The following SCARB1 variants were observed in gnomAD, a reference collection of about 807,000 sequenced individuals.
SCARB1 encodes the protein CD36 and LIMPII analogous 1.
A neutral mutation model predicts 57.2 loss-of-function variants in SCARB1; 30 were observed. That is an observed-to-expected ratio of 0.52 (90% CI 0.39 to 0.71). The LOEUF is 0.71. SCARB1 is among the 30% of genes least tolerant of loss of function. The probability of loss-of-function intolerance (pLI) is 0.00; values close to 1 mark genes in which losing one functional copy is unlikely to be tolerated. For synonymous variants in SCARB1, 249 were observed against 268.3 expected (o/e 0.93, Z 0.70); for missense variants, 543 against 671.2 (o/e 0.81, Z 2.11).
chr12:124,839,143 G>A, intron 1 of SCARB1: 1 of 432,530 alleles, frequency 2.3e-6, no homozygotes, highest in Non-Finnish European at 4.7e-6. Context: ...GCAATTATCA[G>A]CAACATCCAT....
chr12:124,832,869 A>G (rs777201473), intron 1 of SCARB1, among the ~76,000 whole-genome samples: 19 of 151,650 alleles, frequency 1.3e-4, no homozygotes, highest in Non-Finnish European at 2.1e-4. Flanking sequence ...AACAATTAAC[A>G]CTGGCTCAGA....
Position 124,812,797 on chromosome 12 carries a change from G to A in SCARB1, c.631-832C>T, listed in dbSNP as rs1051073290. On this transcript the variant is annotated intron_variant, in intron 4 of 12. Coordinates refer to ENST00000261693, the MANE Select transcript of SCARB1 (RefSeq NM_005505.5). The surrounding 1 kb of genome is among the most constrained non-coding windows in gnomAD (Gnocchi z 4.3). ...CCTCCAGAGCAGGACCCAGCACAAG[G>A]CCCCAGCCCAGCATCCCGGGTGTGT... is the stretch of plus-strand genomic sequence containing the variant. 5.3e-5 allele frequency among the ~76,000 whole-genome samples: 8 copies of A among 152,018 alleles called. No homozygotes were observed. The highest frequency in any genetic ancestry group is 1.9e-4 in the African/African-American group (8 of 41,390).
Position 124,814,781 on chromosome 12 carries a change from G to A in SCARB1, c.426+192C>T, listed in dbSNP as rs1295352673. Among the ~76,000 whole-genome samples, 1 of 152,218 alleles carries A rather than the reference G, an allele frequency of 6.6e-6. No individual in the cohort carries two copies. Among genetic ancestry groups the A allele is most frequent in the Non-Finnish European group, 1.5e-5 (1 of 68,042 alleles). On this transcript the variant is annotated intron_variant, in intron 3 of 12. Transcript: ENST00000261693. This position sits in a 1 kb window ranked among gnomAD's most constrained non-coding sequence, Gnocchi z 4.7. ...GGCCAGGACTTCCAAACCAAGACAG[G>A]TGGACCCACCTGGGAAACTCAGAAC...
chr12:124,793,480 T>A (rs1346461644), intron 9 of SCARB1, among the ~76,000 whole-genome samples: 1 of 151,054 alleles, frequency 6.6e-6, no homozygotes, highest in Non-Finnish European at 1.5e-5. Flanking sequence ...GATCACGAGG[T>A]CAGGAGATCG....
In SCARB1 at chr12:124,786,594, C is replaced by T. The variant is rs1024050835; in HGVS notation, c.1255-91G>A. On this transcript the variant is annotated intron_variant, in intron 10 of 12. Coordinates refer to ENST00000261693, the MANE Select transcript of SCARB1 (RefSeq NM_005505.5). ...ACCCAACACCTTCCTCTGTGCCCGC[C>T]TCAGCTTTTCCCCACCTCAAGCTTC... 3.2e-6 allele frequency: 5 copies of T among 1,565,224 alleles called. No homozygotes were observed. In the African/African-American group the frequency reaches 5.4e-5, roughly 17 times the overall value.
At chr12:124,786,583 T>C (rs1949528590) in intron 10 of SCARB1, 80 bp from the exon 11 acceptor site, 1 of 1,575,918 alleles carries the variant, frequency 6.3e-7, no homozygotes, top group Non-Finnish European at 8.6e-7. Context: ...AACACCTTCC[T>C]CTGTGCCCGC....
chr12:124,813,487 G>A (rs895280954), intron 4 of SCARB1, among the ~76,000 whole-genome samples: 9 of 152,198 alleles, frequency 5.9e-5, no homozygotes, highest in African/African-American at 2.2e-4. Flanking sequence ...GACTTTTCTT[G>A]TGAGGTTTTC....
chr12:124,845,704 C>CA (rs1235908718), intron 1 of SCARB1, among the ~76,000 whole-genome samples: 57 of 109,786 alleles, frequency 5.2e-4, no homozygotes, highest in Middle Eastern at 8.2e-3. Flanking sequence ...GACTCTGCCT[C>CA]AAAAAAAAAA....
Position 124,814,867 on chromosome 12 carries a change from C to T in SCARB1, c.426+106G>A, listed in dbSNP as rs61762479. On this transcript the variant is annotated intron_variant, in intron 3 of 12. Transcript: ENST00000261693. The surrounding 1 kb of genome is among the most constrained non-coding windows in gnomAD (Gnocchi z 4.7). ...GCCACCCACCAGGCGTGAGTCCCCA[C>T]GCTCCGACCACCTCAGGGACTGCTC... The T allele has an allele frequency of 7.2e-4, 1,058 of 1,460,992 alleles. 10 individuals are homozygous for T. The East Asian group carries it at 0.014, about 19-fold the overall frequency. 90.5% of individuals were successfully genotyped at this position (1,460,992 alleles called of 1,614,324 possible).
chr12:124,835,725 G>A (rs1318169398), intron 1 of SCARB1, among the ~76,000 whole-genome samples: 1 of 152,186 alleles, frequency 6.6e-6, no homozygotes, highest in Non-Finnish European at 1.5e-5. Flanking sequence ...CCAGTAGATG[G>A]GTTTTGAATC....
At chr12:124,850,150 A>G (rs1952331182) in intron 1 of SCARB1, among the ~76,000 whole-genome samples, 1 of 143,744 alleles carries the variant, frequency 7.0e-6, no homozygotes, top group Non-Finnish European at 1.5e-5. Context: ...AGGTGGGTGG[A>G]TCATTTGAGG....
At chr12:124,816,138 C>T (rs147126129) in intron 2 of SCARB1, among the ~76,000 whole-genome samples, 121 of 152,284 alleles carry the variant, frequency 7.9e-4, no homozygotes, top group Middle Eastern at 6.8e-3. Context: ...TGCTCCCGAC[C>T]CTCCAGTCAG....
rs1350108004 is a variant in SCARB1, at chr12:124,812,272, G to A, written c.631-307C>T. Among the ~76,000 whole-genome samples, 2 of 152,200 alleles carry A rather than the reference G, an allele frequency of 1.3e-5. No individual in the cohort carries two copies. Among genetic ancestry groups the A allele is most frequent in the Non-Finnish European group, 2.9e-5 (2 of 68,036 alleles). ...ACACCCTACTCCAGCATAAAATAAA[G>A]CATGGCCAGGTCAGCTCCCTGAGCA... On this transcript the variant is annotated intron_variant, in intron 4 of 12. Transcript: ENST00000261693. This position sits in a 1 kb window ranked among gnomAD's most constrained non-coding sequence, Gnocchi z 4.3.
intron 11 of SCARB1, chr12:124,783,297 C>T (rs999528623): frequency 2.4e-5 from 4 of 167,378 alleles, no homozygotes; most frequent in Non-Finnish European, 5.1e-5. Context: ...TGGCTCACTG[C>T]AGCCTCCAAC....
At chr12:124,802,284 C>CAA (rs1054914017) in intron 7 of SCARB1, among the ~76,000 whole-genome samples, 3 of 151,840 alleles carry the variant, frequency 2.0e-5, no homozygotes, top group Non-Finnish European at 4.4e-5. Flanking sequence ...AAAAACAAAA[C>CAA]AAAAAAGGCT....
chr12:124,833,003 T>C (rs1257711862), intron 1 of SCARB1, among the ~76,000 whole-genome samples: 1 of 151,930 alleles, frequency 6.6e-6, no homozygotes, highest in African/African-American at 2.4e-5. Flanking sequence ...GGGGAATCCA[T>C]TGCCTTCCGT....
intron 6 of SCARB1, among the ~76,000 whole-genome samples, chr12:124,808,766 C>T (rs1950411243): frequency 6.6e-6 from 1 of 152,038 alleles, no homozygotes; most frequent in African/African-American, 2.4e-5. Context: ...CCGCCCTTGA[C>T]ATGGGGTGAG....
chr12:124,821,311 T>C, intron 1 of SCARB1: 1 of 921,276 alleles, frequency 1.1e-6, no homozygotes, highest in Non-Finnish European at 1.3e-6. Flanking sequence ...CTTTGCAGCC[T>C]CCCTCTCCCA....
intron 1 of SCARB1, among the ~76,000 whole-genome samples, chr12:124,859,949 A>AT (rs63359362): frequency 0.34 from 39,580 of 117,896 alleles, 7,130 homozygotes; most frequent in Non-Finnish European, 0.44. Flanking sequence ...AAGTTCCTTC[A>AT]TTTTTTTTTT....
Sources: gnomAD v4.1 joint callset for allele counts (sites outside exome capture counted in the v4.1 genomes callset) on GRCh38, gnomAD v4.1.1 for gene constraint, Gnocchi (gnomAD v3.1) non-coding constraint, MANE v1.5 for transcripts, NCBI Gene and HGNC (gene_info 2026-07-23, HGNC 2026-07-21) for gene names.